Variants in PCDH15 observed in about 807,000 individuals in gnomAD.
The protein encoded by PCDH15 is protocadherin-15.
A neutral mutation model predicts 178.5 loss-of-function variants in PCDH15; 129 were observed. The observed-to-expected ratio is 0.72, with a 90% CI of 0.63 to 0.84. The LOEUF is 0.84. Ranked by LOEUF, PCDH15 falls within the 40% of genes least tolerant of loss-of-function variation. PCDH15 has a pLI of 0.00. For synonymous variants in PCDH15, 800 were observed against 732.0 expected, an observed-to-expected ratio of 1.09 and a Z score of -1.50; for missense variants, 2,230 against 2,099.9, an observed-to-expected ratio of 1.06 and a Z score of -1.21.
chr10:54,616,104 C>T (rs1210524071), intron 2 of PCDH15, among the ~76,000 whole-genome samples: 2 of 151,614 alleles, frequency 1.3e-5, no homozygotes, highest in Non-Finnish European at 2.9e-5. Flanking sequence ...AAAATGTGTT[C>T]AATTCAAAAA....
chr10:55,126,726 T>C (rs935005167), intron 2 of PCDH15, among the ~76,000 whole-genome samples: 1 of 152,070 alleles, frequency 6.6e-6, no homozygotes, highest in Non-Finnish European at 1.5e-5. Context: ...TAGACATAGA[T>C]ATCAGTTGAT....
intron 5 of PCDH15, among the ~76,000 whole-genome samples, chr10:54,358,490 A>G (rs867558441): frequency 6.6e-6 from 1 of 152,202 alleles, no homozygotes; most frequent in South Asian, 2.1e-4. Flanking sequence ...TAGAATGGCA[A>G]TCATTAAAAG....
At chr10:55,154,972 C>G (rs1209843062) in intron 2 of PCDH15, among the ~76,000 whole-genome samples, 1 of 152,110 alleles carries the variant, frequency 6.6e-6, no homozygotes, top group East Asian at 1.9e-4. Flanking sequence ...GTGACATTAA[C>G]AGCCTCCTGC....
intron 18 of PCDH15, 111 bp from the exon 19 acceptor site, chr10:54,023,308 G>T: frequency 2.0e-6 from 2 of 981,340 alleles, no homozygotes; most frequent in African/African-American, 1.6e-5. Context: ...AAATTATTTG[G>T]CCCTCTAAGG....
chr10:55,093,274 T>A (rs973040109), intron 2 of PCDH15, among the ~76,000 whole-genome samples: 1 of 152,092 alleles, frequency 6.6e-6, no homozygotes, highest in Non-Finnish European at 1.5e-5. Flanking sequence ...TACTACATAA[T>A]GTGTCACAAA....
chr10:54,177,754 G>A (rs2047583688), intron 13 of PCDH15, among the ~76,000 whole-genome samples: 1 of 152,122 alleles, frequency 6.6e-6, no homozygotes, highest in Non-Finnish European at 1.5e-5. Context: ...AAGATTAATG[G>A]TGTGCATCAT....
At chr10:54,705,259 G>A (rs938464390) in intron 1 of PCDH15, among the ~76,000 whole-genome samples, 1 of 151,912 alleles carries the variant, frequency 6.6e-6, no homozygotes, top group African/African-American at 2.4e-5. Context: ...GCACCCCCAT[G>A]ACACCTAATT....
chr10:55,334,033 A>G lies in PCDH15; in HGVS notation c.-155-167382T>C, dbSNP rs116095160. ...CATACTTTAAAATAAATAAAATGATATTTTATTTCTAATAATTGTCATTTA... is the reference window on the plus strand; with the variant it reads ...CATACTTTAAAATAAATAAAATGATGTTTTATTTCTAATAATTGTCATTTA... On this transcript the variant is annotated intron_variant, in intron 2 of 5. Coordinates refer to the PCDH15 transcript ENST00000613346. 5.0e-3 allele frequency among the ~76,000 whole-genome samples: 750 copies of G among 151,286 alleles called. 15 individuals are homozygous for G. Among genetic ancestry groups the G allele is most frequent in the African/African-American group, 0.017 (704 of 41,176 alleles).
chr10:54,282,829 T>C (rs1411968175), intron 8 of PCDH15, among the ~76,000 whole-genome samples: 1 of 152,140 alleles, frequency 6.6e-6, no homozygotes, highest in African/African-American at 2.4e-5. Flanking sequence ...TTAGAAACTT[T>C]AACAAGTTAC....
chr10:53,872,849 C>T (rs1253104056), intron 26 of PCDH15, among the ~76,000 whole-genome samples: 1 of 152,162 alleles, frequency 6.6e-6, no homozygotes, highest in Admixed American at 6.6e-5. Flanking sequence ...CTCAGCTTTT[C>T]ATCACATAAC....
intron 2 of PCDH15, among the ~76,000 whole-genome samples, chr10:54,987,094 T>C (rs959343776): frequency 1.1e-4 from 17 of 152,040 alleles, no homozygotes; most frequent in Admixed American, 3.3e-4. Flanking sequence ...CAACTCCTAC[T>C]TATGAGTGAG....
chr10:53,973,771 T>G (rs1015342771), intron 21 of PCDH15, among the ~76,000 whole-genome samples: 1 of 152,188 alleles, frequency 6.6e-6, no homozygotes, highest in African/African-American at 2.4e-5. Context: ...TCATAGCCAT[T>G]GCTCCTTCAC....
intron 2 of PCDH15, among the ~76,000 whole-genome samples, chr10:55,353,901 G>T (rs1020639589): frequency 1.3e-5 from 2 of 151,986 alleles, no homozygotes; most frequent in African/African-American, 4.8e-5. Context: ...TAAAAATCTT[G>T]TTCTAACATC....
chr10:54,712,770 G>C (rs2095439401), intron 1 of PCDH15, among the ~76,000 whole-genome samples: 1 of 152,002 alleles, frequency 6.6e-6, no homozygotes, highest in Admixed American at 6.6e-5. Context: ...ATTGGTACCA[G>C]TTTAAACTGA....
chr10:54,013,561 C>A (rs190392483), intron 20 of PCDH15, among the ~76,000 whole-genome samples: 1 of 152,252 alleles, frequency 6.6e-6, no homozygotes, highest in East Asian at 1.9e-4. Context: ...CAACCACACT[C>A]TCTGAACATG....
intron 2 of PCDH15, among the ~76,000 whole-genome samples, chr10:55,422,823 T>G (rs1461322672): frequency 6.6e-6 from 1 of 151,882 alleles, no homozygotes; most frequent in African/African-American, 2.4e-5. Flanking sequence ...AGGTAGACAT[T>G]AATAAGTTTA....
chr10:54,348,602 A>C (rs1366672907), intron 5 of PCDH15, among the ~76,000 whole-genome samples: 4 of 143,110 alleles, frequency 2.8e-5, no homozygotes, highest in Admixed American at 2.8e-4. Flanking sequence ...AATTTTGTAT[A>C]TTTGTTGTGT....
intron 1 of PCDH15, among the ~76,000 whole-genome samples, chr10:55,233,452 A>G (rs1202095054): frequency 3.3e-5 from 5 of 152,138 alleles, no homozygotes; most frequent in Non-Finnish European, 7.3e-5. Flanking sequence ...GAAGAATAAG[A>G]AATTATAGTA....
chr10:54,363,458 A>G (rs1428746886), intron 5 of PCDH15, among the ~76,000 whole-genome samples: 1 of 152,180 alleles, frequency 6.6e-6, no homozygotes, highest in Non-Finnish European at 1.5e-5. Context: ...AATTAAATGA[A>G]ATGTTTTTAA....
Sources: gnomAD v4.1 joint callset for allele counts (sites outside exome capture counted in the v4.1 genomes callset) on GRCh38, gnomAD v4.1.1 for gene constraint, MANE v1.5 for transcripts, NCBI Gene and HGNC (gene_info 2026-07-23, HGNC 2026-07-21) for gene names.